Variants in MMP26 observed in about 807,000 individuals in gnomAD.
The protein encoded by MMP26 is matrix metalloproteinase-26.
Under a neutral mutation model 31.0 loss-of-function variants are expected in MMP26, and 33 were observed. The ratio of observed to expected loss-of-function variants is 1.06; its 90% CI spans 0.81 to 1.42. The LOEUF is 1.42. MMP26 is among the 40% of genes most tolerant of loss of function. The pLI is 0.00. For synonymous variants in MMP26, 122 were observed against 114.9 expected, an observed-to-expected ratio of 1.06 and a Z score of -0.40; for missense variants, 347 against 316.1, an observed-to-expected ratio of 1.10 and a Z score of -0.74.
chr11:4,912,265 T>C (rs540040298), intron 2 of MMP26, among the ~76,000 whole-genome samples: 4 of 114,020 alleles, frequency 3.5e-5, no homozygotes, highest in East Asian at 3.9e-4. Flanking sequence ...CTCAGATAAA[T>C]AAAATAATTT....
chr11:4,708,678 A>T (rs1847815968), intron 1 of MMP26, among the ~76,000 whole-genome samples: 1 of 152,216 alleles, frequency 6.6e-6, no homozygotes, highest in Non-Finnish European at 1.5e-5. Flanking sequence ...TTTCAATCCT[A>T]CAGATTTATG....
chr11:4,860,167 T>C (rs1336166908), intron 2 of MMP26: 8 of 470,964 alleles, frequency 1.7e-5, no homozygotes, highest in South Asian at 6.2e-5. Flanking sequence ...GGAAACATAG[T>C]GTAATGGGTT....
chr11:4,722,226 T>C (rs771882832), intron 1 of MMP26, among the ~76,000 whole-genome samples: 12 of 152,214 alleles, frequency 7.9e-5, no homozygotes, highest in Non-Finnish European at 1.2e-4. Context: ...CCTTGTTTGT[T>C]TCCTAAGCCA....
chr11:4,802,499 G>A (rs1849197054), intron 2 of MMP26, among the ~76,000 whole-genome samples: 1 of 152,100 alleles, frequency 6.6e-6, no homozygotes, highest in Non-Finnish European at 1.5e-5. Context: ...GAGAGGTATG[G>A]TATTGTATTC....
intron 2 of MMP26, among the ~76,000 whole-genome samples, chr11:4,899,533 A>G (rs972058771): frequency 1.3e-5 from 2 of 152,174 alleles, no homozygotes; most frequent in Non-Finnish European, 2.9e-5. Context: ...GTCTCTATAG[A>G]ATGACCTTTT....
At chr11:4,721,897 A>G (rs937616202) in intron 1 of MMP26, among the ~76,000 whole-genome samples, 2 of 152,128 alleles carry the variant, frequency 1.3e-5, no homozygotes, top group Admixed American at 6.5e-5. Flanking sequence ...CTGGAATCAT[A>G]ATGGTTTCTC....
rs578007088 is a variant in MMP26, at chr11:4,937,438, G to A, written c.-144-50630G>A. 2.6e-5 allele frequency: 4 copies of A among 152,538 alleles called. No homozygotes were observed. The East Asian group carries it at 7.7e-4, about 30-fold the overall frequency. 9.4% of individuals were successfully genotyped at this position (152,538 alleles called of 1,614,324 possible). A position where few individuals can be genotyped will look rare whatever the true frequency, so the allele number is the denominator to read the frequency against. On this transcript the variant is annotated intron_variant, in intron 2 of 7. Coordinates refer to ENST00000380390, the MANE Select transcript of MMP26 (RefSeq NM_021801.5). ...ACAGTACACGATGGGATTCAACAGG[G>A]GTGGCACCAGCAGAAAAATATCAGC...
chr11:4,980,621 T>A (rs1399758333), intron 2 of MMP26, among the ~76,000 whole-genome samples: 1 of 152,064 alleles, frequency 6.6e-6, no homozygotes, highest in Admixed American at 6.6e-5. Flanking sequence ...AAAATGGATA[T>A]GCAAAAATTC....
intron 2 of MMP26, among the ~76,000 whole-genome samples, chr11:4,841,365 G>A (rs202043340): frequency 6.6e-6 from 1 of 152,062 alleles, no homozygotes; most frequent in East Asian, 1.9e-4. Context: ...ACACCTCAAA[G>A]CATTTAATAA....
At chr11:4,785,295 G>C (rs1467625758) in intron 2 of MMP26, among the ~76,000 whole-genome samples, 5 of 152,132 alleles carry the variant, frequency 3.3e-5, no homozygotes, top group Non-Finnish European at 7.4e-5. Context: ...TCTCTCTTAA[G>C]TACTCCATGT....
At chr11:4,816,591 C>G (rs71480724) in intron 2 of MMP26, among the ~76,000 whole-genome samples, 14,928 of 150,508 alleles carry the variant, frequency 0.099, 902 homozygotes, top group Middle Eastern at 0.17. Context: ...CATAAAAGTT[C>G]TTCCAGAAAA....
intron 2 of MMP26, chr11:4,912,672 C>A (rs1384113097): frequency 7.0e-6 from 1 of 141,928 alleles, no homozygotes; most frequent in Non-Finnish European, 1.5e-5. Flanking sequence ...GAATATTGAG[C>A]CTTAAAAAAT....
At chr11:4,709,984 C>G (rs1395963841) in intron 1 of MMP26, 2 of 456,824 alleles carry the variant, frequency 4.4e-6, no homozygotes, top group Admixed American at 2.3e-5. Context: ...ACAATCTTAA[C>G]CAATTCACGG....
At chr11:4,784,548 A>G (rs1848909020) in intron 2 of MMP26, among the ~76,000 whole-genome samples, 1 of 152,216 alleles carries the variant, frequency 6.6e-6, no homozygotes, top group South Asian at 2.1e-4. Context: ...GGAGAAGGCC[A>G]TGTGAAGATA....
In MMP26 at chr11:4,757,275, A is replaced by G. The variant is rs1434689392; in HGVS notation, c.-216-9995A>G. Reference sequence around the variant, plus strand: ...GGTGCTAGAACAATTAAATATCACTATGAAAAAAAATAAATAACTTGGATT... The same window carrying G: ...GGTGCTAGAACAATTAAATATCACTGTGAAAAAAAATAAATAACTTGGATT... On this transcript the variant is annotated intron_variant, in intron 1 of 7. Transcript: ENST00000380390. Among the ~76,000 whole-genome samples, 14 of 150,884 alleles carry G rather than the reference A, an allele frequency of 9.3e-5. No individual in the cohort carries two copies. In the East Asian group the frequency reaches 2.5e-3, roughly 27 times the overall value.
Position 4,849,285 on chromosome 11 carries a change from A to G in MMP26, c.-145+81944A>G, listed in dbSNP as rs1849939259. On this transcript the variant is annotated intron_variant, in intron 2 of 7. Coordinates refer to ENST00000380390, the MANE Select transcript of MMP26 (RefSeq NM_021801.5). Reference sequence around the variant, plus strand: ...TTACTTAATCGCGTGCCAAATTTGCATGAAACGTTCCAAAATAGCCTGCAT... The same window carrying G: ...TTACTTAATCGCGTGCCAAATTTGCGTGAAACGTTCCAAAATAGCCTGCAT... The G allele has an allele frequency of 1.2e-5, 18 of 1,494,226 alleles. No individual in the cohort carries two copies. The South Asian group carries it at 2.1e-4, about 17-fold the overall frequency. The allele number at this position is 1,494,226 out of a possible 1,614,324, so 92.6% of individuals were successfully genotyped here.
intron 1 of MMP26, among the ~76,000 whole-genome samples, chr11:4,764,240 A>C (rs1286525701): frequency 1.3e-5 from 2 of 152,204 alleles, no homozygotes; most frequent in African/African-American, 4.8e-5. Context: ...GGAAATTTTA[A>C]AGTTGACAAT....
chr11:4,865,962 T>C (rs1850228457), intron 2 of MMP26, among the ~76,000 whole-genome samples: 1 of 152,146 alleles, frequency 6.6e-6, no homozygotes. Flanking sequence ...AAGAGAGCTT[T>C]CTGGCATGAG....
At chr11:4,925,167 T>C (rs1208282668) in intron 2 of MMP26, among the ~76,000 whole-genome samples, 2 of 152,220 alleles carry the variant, frequency 1.3e-5, no homozygotes, top group Admixed American at 6.5e-5. Context: ...GTGAGAAAAT[T>C]GTAGCGCAGA....
Sources: gnomAD v4.1 joint callset for allele counts (sites outside exome capture counted in the v4.1 genomes callset) on GRCh38, gnomAD v4.1.1 for gene constraint, MANE v1.5 for transcripts, NCBI Gene and HGNC (gene_info 2026-07-23, HGNC 2026-07-21) for gene names.